The following PPFIA2 variants were observed in gnomAD, a reference collection of about 807,000 sequenced individuals.
PPFIA2 encodes liprin-alpha-2.
PPFIA2 carries 46 observed loss-of-function variants against 175.5 expected under a neutral mutation model. The observed-to-expected ratio is 0.26, with a 90% CI of 0.21 to 0.34. The LOEUF is 0.34. Among genes scored for constraint, PPFIA2 ranks in the 10% least tolerant of loss-of-function variants. PPFIA2 has a pLI of 1.00. For missense variants in PPFIA2, 1,179 were observed against 1,506.1 expected (o/e 0.78, Z 3.60); for synonymous variants, 568 against 511.4 (o/e 1.11, Z -1.49).
intron 7 of PPFIA2, among the ~76,000 whole-genome samples, chr12:81,434,194 C>T (rs989980368): frequency 8.6e-5 from 13 of 151,598 alleles, no homozygotes; most frequent in African/African-American, 2.2e-4. Context: ...AAGAAATTTT[C>T]GATGGTATGT....
At chr12:81,409,301 A>C (rs1363023044) in intron 7 of PPFIA2, among the ~76,000 whole-genome samples, 2 of 152,160 alleles carry the variant, frequency 1.3e-5, no homozygotes, top group East Asian at 3.9e-4. Context: ...AACATGGCCT[A>C]CTTGCTATGG....
At chr12:81,523,243 C>T (rs932551761) in intron 4 of PPFIA2, among the ~76,000 whole-genome samples, 10 of 152,174 alleles carry the variant, frequency 6.6e-5, no homozygotes, top group African/African-American at 2.4e-4. Context: ...TTCACATATA[C>T]TAGGCACAGG....
intron 4 of PPFIA2, among the ~76,000 whole-genome samples, chr12:81,662,293 T>C (rs1020469257): frequency 6.6e-6 from 1 of 152,110 alleles, no homozygotes; most frequent in African/African-American, 2.4e-5. Context: ...ACAAAGTCGA[T>C]AGACCACTAG....
intron 4 of PPFIA2, among the ~76,000 whole-genome samples, chr12:81,660,539 G>A (rs1193772107): frequency 3.9e-5 from 6 of 152,118 alleles, no homozygotes; most frequent in African/African-American, 1.4e-4. Context: ...AAGAAATATG[G>A]GACTATGTGA....
chr12:81,445,214 G>T (rs2051008072), intron 6 of PPFIA2, among the ~76,000 whole-genome samples: 1 of 131,622 alleles, frequency 7.6e-6, no homozygotes, highest in African/African-American at 3.0e-5. Context: ...GGTGGGGGGG[G>T]GGGAGGGGGG....
At chr12:81,688,613 C>G (rs961700153) in intron 3 of PPFIA2, among the ~76,000 whole-genome samples, 6 of 149,514 alleles carry the variant, frequency 4.0e-5, no homozygotes, top group African/African-American at 1.5e-4. Context: ...AAAAAAAAAA[C>G]TTGGAGATTA....
chr12:81,328,802 CT>C (rs1204543267), intron 21 of PPFIA2, among the ~76,000 whole-genome samples: 1 of 139,842 alleles, frequency 7.2e-6, no homozygotes, highest in Non-Finnish European at 1.5e-5. Flanking sequence ...TTTCTTTTTT[CT>C]TTTTTTCTTT....
At chr12:81,433,277 A>G (rs2048414958) in intron 7 of PPFIA2, among the ~76,000 whole-genome samples, 2 of 152,180 alleles carry the variant, frequency 1.3e-5, no homozygotes, top group Non-Finnish European at 2.9e-5. Context: ...AAGTTAAATC[A>G]TAGCCTTCCT....
In PPFIA2 at chr12:81,642,739, A is replaced by ATATATTATATACATACATGTACG. The variant is rs1180801088; in HGVS notation, c.303+34051_303+34052insCGTACATGTATGTATATAATATA. On this transcript the variant is annotated intron_variant, in intron 4 of 32. Transcript: ENST00000549396. Reference sequence around the variant, plus strand: ...GTATTATATACATACATGTATATGTATGTATGTATTATATACATACATGTA... The same window carrying ATATATTATATACATACATGTACG: ...GTATTATATACATACATGTATATGTATATATTATATACATACATGTACGTGTATGTATTATATACATACATGTA... 7.0e-3 allele frequency among the ~76,000 whole-genome samples: 513 copies of ATATATTATATACATACATGTACG among 73,510 alleles called. 192 individuals carry two copies. The highest frequency in any genetic ancestry group is 0.014 in the African/African-American group (311 of 21,624). 48.2% of individuals were successfully genotyped at this position (73,510 alleles called of 152,430 possible). A position where few individuals can be genotyped will look rare whatever the true frequency, so the allele number is the denominator to read the frequency against.
chr12:81,710,190 T>C (rs114822442), intron 3 of PPFIA2, among the ~76,000 whole-genome samples: 2,298 of 152,004 alleles, frequency 0.015, 30 homozygotes, highest in South Asian at 0.042. Context: ...TCTTGGGGCA[T>C]ATATCTTTAG....
intron 8 of PPFIA2, among the ~76,000 whole-genome samples, chr12:81,394,206 A>C (rs187802796): frequency 6.6e-6 from 1 of 152,016 alleles, no homozygotes; most frequent in African/African-American, 2.4e-5. Flanking sequence ...TCAAGTTTTG[A>C]AAGTTTTTAG....
At chr12:81,687,442 C>T (rs1204297009) in intron 3 of PPFIA2, 1 of 152,004 alleles carries the variant, frequency 6.6e-6, no homozygotes, top group Admixed American at 6.6e-5. Context: ...TCCTTTGAAA[C>T]TCAGTCTAGG....
At chr12:81,634,049 A>C (rs965880993) in intron 4 of PPFIA2, among the ~76,000 whole-genome samples, 2 of 152,116 alleles carry the variant, frequency 1.3e-5, no homozygotes, top group Non-Finnish European at 2.9e-5. Context: ...TTAAAATGTT[A>C]CATTAATTTT....
intron 28 of PPFIA2, among the ~76,000 whole-genome samples, chr12:81,274,624 T>A (rs1489277356): frequency 6.6e-6 from 1 of 152,182 alleles, no homozygotes; most frequent in Non-Finnish European, 1.5e-5. Context: ...AAACAATAAA[T>A]GGCTAGAAAT....
At chr12:81,375,111 G>C (rs2036055764) in intron 10 of PPFIA2, among the ~76,000 whole-genome samples, 2 of 152,082 alleles carry the variant, frequency 1.3e-5, no homozygotes, top group South Asian at 4.1e-4. Flanking sequence ...ATTTAGACTG[G>C]AGTTGGAGAG....
At chr12:81,743,776 A>T (rs1225928071) in intron 3 of PPFIA2, among the ~76,000 whole-genome samples, 1 of 152,050 alleles carries the variant, frequency 6.6e-6, no homozygotes, top group African/African-American at 2.4e-5. Context: ...AATACATGTG[A>T]CAGCCAGCAG....
At chr12:81,532,506 T>G (rs1183305173) in intron 4 of PPFIA2, among the ~76,000 whole-genome samples, 2 of 151,816 alleles carry the variant, frequency 1.3e-5, no homozygotes, top group African/African-American at 4.8e-5. Flanking sequence ...CTAGTTTACA[T>G]GGGTTCCATT....
chr12:81,631,798 G>A (rs1015485500), intron 4 of PPFIA2, among the ~76,000 whole-genome samples: 45 of 152,096 alleles, frequency 3.0e-4, no homozygotes, highest in African/African-American at 9.9e-4. Context: ...CAAACACCTC[G>A]CCTCAAGTAT....
intron 8 of PPFIA2, among the ~76,000 whole-genome samples, chr12:81,398,639 A>C (rs1188582416): frequency 2.0e-5 from 3 of 152,066 alleles, no homozygotes; most frequent in Non-Finnish European, 2.9e-5. Context: ...CTGGTTACTT[A>C]TCTCATTCTT....
Sources: gnomAD v4.1 joint callset for allele counts (sites outside exome capture counted in the v4.1 genomes callset) on GRCh38, gnomAD v4.1.1 for gene constraint, MANE v1.5 for transcripts, NCBI Gene and HGNC (gene_info 2026-07-23, HGNC 2026-07-21) for gene names.